The following INPP5F variants were observed in gnomAD, a reference collection of about 807,000 sequenced individuals.
The protein encoded by INPP5F is inositol polyphosphate-5-phosphatase F.
INPP5F carries 97 observed loss-of-function variants against 137.2 expected under a neutral mutation model. That is an observed-to-expected ratio of 0.71 (90% CI 0.60 to 0.84). The LOEUF (loss-of-function observed/expected upper bound fraction) is 0.84. Ranked by LOEUF, INPP5F falls within the 40% of genes least tolerant of loss-of-function variation. The pLI is 0.00. For synonymous variants in INPP5F, 504 were observed against 476.9 expected (o/e 1.06, Z -0.74); for missense variants, 1,271 against 1,371.9 (o/e 0.93, Z 1.16).
At chr10:119,774,967 C>A (rs1265735568) in intron 2 of INPP5F, among the ~76,000 whole-genome samples, 2 of 150,876 alleles carry the variant, frequency 1.3e-5, no homozygotes, top group Non-Finnish European at 3.0e-5. Context: ...TTTTTTTCCT[C>A]ACTGTTTCAG....
intron 2 of INPP5F, among the ~76,000 whole-genome samples, chr10:119,776,854 G>A (rs1489729156): frequency 6.6e-6 from 1 of 151,990 alleles, no homozygotes; most frequent in Non-Finnish European, 1.5e-5. Flanking sequence ...GGGCTCAAAT[G>A]ATCCTCCCAC....
At chr10:119,811,352 TTTA>T (rs1468987989) in intron 14 of INPP5F, among the ~76,000 whole-genome samples, 3 of 152,226 alleles carry the variant, frequency 2.0e-5, no homozygotes, top group Non-Finnish European at 2.9e-5. Context: ...ATTATAATGA[TTTA>T]TTAAGGCTGC....
intron 13 of INPP5F, among the ~76,000 whole-genome samples, chr10:119,809,422 G>T (rs1850938436): frequency 6.6e-6 from 1 of 152,108 alleles, no homozygotes; most frequent in Admixed American, 6.5e-5. Context: ...TCGGTTTTTG[G>T]ACTGAGATTT....
At position 119,822,467 on chromosome 10, in the gene INPP5F, A is replaced by G; in HGVS notation, c.1995A>G (p.Gln665=). The change falls in exon 17 of 20, where the codon CAA becomes CAG. Residue 665 remains glutamine, a synonymous_variant. Coordinates refer to ENST00000650623, the MANE Select transcript of INPP5F (RefSeq NM_014937.4). ...DDEVDKVNQY[Q]RLSLENLEKI... ...AAGTTGATAAAGTAAACCAGTATCA[A>G]CGACTAAGTCTAGAAAACCTGGAAA... is the stretch of plus-strand genomic sequence containing the variant. 6.5e-7 allele frequency: 1 copy of G among 1,537,456 alleles called. No homozygotes were observed. Among genetic ancestry groups the G allele is most frequent in the Non-Finnish European group, 8.9e-7 (1 of 1,121,686 alleles).
intron 9 of INPP5F, among the ~76,000 whole-genome samples, chr10:119,798,811 T>A (rs1051387577): frequency 1.4e-4 from 21 of 147,244 alleles, no homozygotes; most frequent in African/African-American, 4.5e-4. Flanking sequence ...TTTTTTTTTT[T>A]AAAGAGACAC....
At chr10:119,767,960 G>T (rs898306039) in intron 2 of INPP5F, among the ~76,000 whole-genome samples, 1 of 152,152 alleles carries the variant, frequency 6.6e-6, no homozygotes, top group African/African-American at 2.4e-5. Context: ...AAATGACAGA[G>T]GAACGTGAGT....
chr10:119,726,702 C>A (rs1169266315), intron 1 of INPP5F, among the ~76,000 whole-genome samples: 1 of 152,226 alleles, frequency 6.6e-6, no homozygotes, highest in African/African-American at 2.4e-5. Flanking sequence ...GCCGTAAAGG[C>A]CTCTTCCTCC....
intron 2 of INPP5F, among the ~76,000 whole-genome samples, chr10:119,764,561 A>G (rs1368301522): frequency 4.0e-5 from 6 of 149,898 alleles, no homozygotes; most frequent in African/African-American, 1.5e-4. Context: ...TAGTAAATAC[A>G]TTTTCTCTTC....
chr10:119,806,532 TTC>T, intron 12 of INPP5F, 52 bp downstream of exon 12: 1 of 1,507,308 alleles, frequency 6.6e-7, no homozygotes, highest in Non-Finnish European at 8.9e-7. Context: ...TGCTTTTTTT[TTC>T]CATGAGTAAG....
At chr10:119,794,854 CCCT>C (rs1448685026) in intron 6 of INPP5F, among the ~76,000 whole-genome samples, 17 of 98,216 alleles carry the variant, frequency 1.7e-4, no homozygotes, top group Non-Finnish European at 2.4e-4. Context: ...GGGTCTGACC[CCCT>C]CCCCACCTCC....
At position 119,804,886 on chromosome 10, in the gene INPP5F, C is replaced by T. The variant is rs116039953; in HGVS notation, c.1242-498C>T. Among the ~76,000 whole-genome samples the T allele has an allele frequency of 4.1e-3, 626 of 152,134 alleles. 5 individuals are homozygous for T. Among genetic ancestry groups the T allele is most frequent in the African/African-American group, 0.014 (590 of 41,500 alleles). On this transcript the variant is annotated intron_variant, in intron 10 of 19. Transcript: ENST00000650623. ...GGACTACGGCACGCTCCACTATGCCCGGCTAACTTCTGTATTTTTTGATAG... is the reference window on the plus strand; with the variant it reads ...GGACTACGGCACGCTCCACTATGCCTGGCTAACTTCTGTATTTTTTGATAG...
In INPP5F at chr10:119,828,388, A is replaced by G. The variant is rs1186647341; in HGVS notation, c.*608A>G. The G allele has an allele frequency of 1.3e-5, 2 of 152,436 alleles. No homozygotes were observed. The highest frequency in any genetic ancestry group is 2.9e-5 in the Non-Finnish European group (2 of 68,238). The allele number at this position is 152,436 out of a possible 1,614,324, so 9.4% of individuals were successfully genotyped here. On this transcript the variant is annotated 3_prime_UTR_variant, in exon 20 of 20. Coordinates refer to ENST00000650623, the MANE Select transcript of INPP5F (RefSeq NM_014937.4). ...ACATTAAAAATACTCTGCTGCCTAT[A>G]CAATGTAAACCTAGGAGCATTAAGA...
intron 11 of INPP5F, 138 bp from the exon 12 acceptor site, chr10:119,806,220 CAA>C (rs1443859775): frequency 2.0e-6 from 1 of 504,822 alleles, no homozygotes; most frequent in East Asian, 3.1e-5. Flanking sequence ...ATAAATGACT[CAA>C]TAATGCATAG....
In INPP5F at chr10:119,816,903, A is replaced by G. The variant is rs139904104; in HGVS notation, c.1887-3943A>G. Reference sequence around the variant, plus strand: ...TAAAATATATAATTCAGTGGTTTGTAGTATATTCAGAGTTGTGCAGCCATC... The same window carrying G: ...TAAAATATATAATTCAGTGGTTTGTGGTATATTCAGAGTTGTGCAGCCATC... On this transcript the variant is annotated intron_variant, in intron 15 of 19. Coordinates refer to ENST00000650623, the MANE Select transcript of INPP5F (RefSeq NM_014937.4). 1.2e-4 allele frequency among the ~76,000 whole-genome samples: 18 copies of G among 152,336 alleles called. No individual in the cohort carries two copies. The East Asian group carries it at 3.5e-3, about 29-fold the overall frequency.
At chr10:119,767,348 AGC>A (rs1564816971) in intron 2 of INPP5F, among the ~76,000 whole-genome samples, 2 of 152,178 alleles carry the variant, frequency 1.3e-5, no homozygotes, top group East Asian at 3.8e-4. Flanking sequence ...TTCACTGTCC[AGC>A]AGCTGGAAAA....
At position 119,726,215 on chromosome 10, in the gene INPP5F, C is replaced by T; in HGVS notation, c.-48C>T. The T allele has an allele frequency of 1.5e-6, 2 of 1,292,476 alleles. No individual in the cohort carries two copies. The highest frequency in any genetic ancestry group is 2.0e-6 in the Non-Finnish European group (2 of 981,308). The allele number at this position is 1,292,476 out of a possible 1,614,324, so 80.1% of individuals were successfully genotyped here. A position where few individuals can be genotyped will look rare whatever the true frequency, so the allele number is the denominator to read the frequency against. On this transcript the variant is annotated 5_prime_UTR_variant, in exon 1 of 20. Coordinates refer to ENST00000650623, the MANE Select transcript of INPP5F (RefSeq NM_014937.4). ...GGCGGCCTCGACCGACTAGGACGCC[C>T]CGTGCGCCGCCCGCGGGCCGCCGCC...
intron 2 of INPP5F, 83 bp from the exon 3 acceptor site, chr10:119,781,549 TATC>T (rs1849705876): frequency 4.3e-6 from 5 of 1,171,444 alleles, no homozygotes; most frequent in Non-Finnish European, 5.7e-6. Context: ...TTTTTTTTGT[TATC>T]ATTGTTAGGT....
At chr10:119,789,965 A>G (rs1183923555) in intron 3 of INPP5F, among the ~76,000 whole-genome samples, 2 of 146,928 alleles carry the variant, frequency 1.4e-5, no homozygotes, top group African/African-American at 5.0e-5. Context: ...TTAAGAACCA[A>G]GAGCATTGGA....
chr10:119,759,905 T>C (rs1195532939), intron 2 of INPP5F, among the ~76,000 whole-genome samples: 1 of 152,158 alleles, frequency 6.6e-6, no homozygotes, highest in Non-Finnish European at 1.5e-5. Flanking sequence ...TCCCCTCAGC[T>C]TGTTGCTACA....
Sources: gnomAD v4.1 joint callset for allele counts (sites outside exome capture counted in the v4.1 genomes callset) on GRCh38, gnomAD v4.1.1 for gene constraint, MANE v1.5 for transcripts, NCBI Gene and HGNC (gene_info 2026-07-23, HGNC 2026-07-21) for gene names.